NELL1: variants seen among roughly 807,000 people sequenced by gnomAD.
The protein encoded by NELL1 is neural EGFL like 1.
A neutral mutation model predicts 107.4 loss-of-function variants in NELL1; 76 were observed. The observed-to-expected ratio is 0.71, with a 90% CI of 0.59 to 0.86. The LOEUF is 0.86. Among genes scored for constraint, NELL1 ranks in the 40% least tolerant of loss-of-function variants. The pLI, the probability that NELL1 is intolerant of heterozygous loss-of-function variation, is 0.00. For synonymous variants in NELL1, 353 were observed against 341.2 expected (o/e 1.03, Z -0.38); for missense variants, 1,024 against 1,005.5 (o/e 1.02, Z -0.25).
chr11:21,273,217 T>A (rs1348267371), intron 14 of NELL1, among the ~76,000 whole-genome samples: 1 of 152,270 alleles, frequency 6.6e-6, no homozygotes, highest in East Asian at 1.9e-4. Flanking sequence ...AAGGACCTGA[T>A]GGAGCTGAAA....
At chr11:21,075,033 A>G (rs978706441) in intron 12 of NELL1, among the ~76,000 whole-genome samples, 2 of 152,218 alleles carry the variant, frequency 1.3e-5, no homozygotes, top group African/African-American at 2.4e-5. Flanking sequence ...GACTAGATGG[A>G]TAGTGACACC....
intron 7 of NELL1, among the ~76,000 whole-genome samples, chr11:20,920,889 T>A (rs1850362849): frequency 6.7e-6 from 1 of 148,474 alleles, no homozygotes; most frequent in Non-Finnish European, 1.5e-5. Flanking sequence ...AACAGCAAAT[T>A]TTTTAATCCA....
At chr11:20,936,674 C>G (rs1850732577) in intron 9 of NELL1, among the ~76,000 whole-genome samples, 2 of 152,154 alleles carry the variant, frequency 1.3e-5, no homozygotes, top group South Asian at 4.1e-4. Context: ...ATTGTAAGCT[C>G]CATGAGAAGA....
At chr11:21,075,211 A>G (rs1854105792) in intron 12 of NELL1, among the ~76,000 whole-genome samples, 1 of 152,188 alleles carries the variant, frequency 6.6e-6, no homozygotes. Flanking sequence ...ACTCCTGAAT[A>G]TCGGAATTTA....
chr11:20,859,453 T>A (rs1848938812), intron 4 of NELL1, among the ~76,000 whole-genome samples: 1 of 152,196 alleles, frequency 6.6e-6, no homozygotes, highest in Non-Finnish European at 1.5e-5. Flanking sequence ...TGGGTCTCGA[T>A]GCTGATGTGT....
intron 10 of NELL1, among the ~76,000 whole-genome samples, chr11:20,943,930 A>G (rs1850910453): frequency 6.6e-6 from 1 of 152,222 alleles, no homozygotes; most frequent in Non-Finnish European, 1.5e-5. Flanking sequence ...TAAAGGTAGC[A>G]TTTATAAAAG....
At chr11:21,487,508 T>A (rs1351071216) in intron 15 of NELL1, among the ~76,000 whole-genome samples, 1 of 151,946 alleles carries the variant, frequency 6.6e-6, no homozygotes, top group African/African-American at 2.4e-5. Flanking sequence ...CTCATAAAAC[T>A]GTAATACTGA....
At chr11:21,389,057 T>C (rs1289348125) in intron 15 of NELL1, among the ~76,000 whole-genome samples, 1 of 151,882 alleles carries the variant, frequency 6.6e-6, no homozygotes, top group Admixed American at 6.6e-5. Flanking sequence ...ATTTGCTGGT[T>C]ATCTAAGCAG....
intron 9 of NELL1, among the ~76,000 whole-genome samples, chr11:20,934,694 T>C (rs1053491655): frequency 1.2e-4 from 19 of 152,236 alleles, no homozygotes; most frequent in African/African-American, 4.6e-4. Context: ...TTAGCAGAAC[T>C]GTCACTTTGG....
At chr11:20,804,382 C>T (rs750752272) in intron 3 of NELL1, among the ~76,000 whole-genome samples, 15 of 152,084 alleles carry the variant, frequency 9.9e-5, no homozygotes, top group Middle Eastern at 3.2e-3. Flanking sequence ...ACTACAGGCA[C>T]GTGCCACCAC....
chr11:20,702,419 T>G (rs1456258819), intron 2 of NELL1, among the ~76,000 whole-genome samples: 1 of 152,108 alleles, frequency 6.6e-6, no homozygotes, highest in Non-Finnish European at 1.5e-5. Context: ...GCTGAGACAA[T>G]GGGGTTTTCT....
At chr11:21,508,083 C>T (rs560309880) in intron 15 of NELL1, among the ~76,000 whole-genome samples, 10 of 152,166 alleles carry the variant, frequency 6.6e-5, no homozygotes, top group African/African-American at 2.2e-4. Flanking sequence ...CACAACTGGC[C>T]TGCAGAAGTT....
intron 13 of NELL1, among the ~76,000 whole-genome samples, chr11:21,123,037 G>A (rs148794716): frequency 3.3e-5 from 5 of 152,178 alleles, no homozygotes; most frequent in East Asian, 1.9e-4. Flanking sequence ...GTTACTCCAA[G>A]CATCAAATCC....
chr11:20,777,934 A>G (rs1466916020), intron 2 of NELL1, among the ~76,000 whole-genome samples: 1 of 152,104 alleles, frequency 6.6e-6, no homozygotes, highest in African/African-American at 2.4e-5. Flanking sequence ...CTAATGTGGT[A>G]CCCCTTGGCC....
intron 13 of NELL1, among the ~76,000 whole-genome samples, chr11:21,157,038 G>T (rs1451668554): frequency 6.6e-6 from 1 of 151,936 alleles, no homozygotes; most frequent in Admixed American, 6.6e-5. Flanking sequence ...GGAGGCGGAG[G>T]CTGCAGTGAG....
At chr11:20,736,608 T>G (rs964044283) in intron 2 of NELL1, among the ~76,000 whole-genome samples, 13 of 152,190 alleles carry the variant, frequency 8.5e-5, no homozygotes, top group Admixed American at 3.3e-4. Flanking sequence ...AGCATTACTT[T>G]ATTTACTTCA....
intron 15 of NELL1, among the ~76,000 whole-genome samples, chr11:21,492,652 A>C (rs894639048): frequency 6.7e-6 from 1 of 149,818 alleles, no homozygotes; most frequent in Non-Finnish European, 1.5e-5. Context: ...AGGACAAAAA[A>C]CCAAACACTG....
At chr11:20,752,808 C>A (rs1266262407) in intron 2 of NELL1, among the ~76,000 whole-genome samples, 3 of 152,180 alleles carry the variant, frequency 2.0e-5, no homozygotes, top group Admixed American at 2.0e-4. Context: ...TTACTTTTCA[C>A]TCAAATTATT....
intron 2 of NELL1, among the ~76,000 whole-genome samples, chr11:20,771,971 C>T (rs1266543605): frequency 6.6e-6 from 1 of 152,104 alleles, no homozygotes; most frequent in Non-Finnish European, 1.5e-5. Context: ...TGAAAAACAG[C>T]ATTTGAAGTA....
Sources: gnomAD v4.1 joint callset for allele counts (sites outside exome capture counted in the v4.1 genomes callset) on GRCh38, gnomAD v4.1.1 for gene constraint, MANE v1.5 for transcripts, NCBI Gene and HGNC (gene_info 2026-07-23, HGNC 2026-07-21) for gene names.